ARL14EPL: variants seen among roughly 807,000 people sequenced by gnomAD.
ARL14EPL encodes ARF like GTPase 14 effector protein like.
Under a neutral mutation model 15.9 loss-of-function variants are expected in ARL14EPL, and 17 were observed. The ratio of observed to expected loss-of-function variants is 1.07; its 90% CI spans 0.73 to 1.60. The LOEUF is 1.60. Among genes scored for constraint, ARL14EPL ranks in the 40% most tolerant of loss-of-function variants. The probability of loss-of-function intolerance (pLI) is 0.00; values close to 1 mark genes in which losing one functional copy is unlikely to be tolerated. For synonymous variants in ARL14EPL, 78 were observed against 63.8 expected (o/e 1.22, Z -1.06); for missense variants, 214 against 185.9 (o/e 1.15, Z -0.88).
intron 1 of ARL14EPL, among the ~76,000 whole-genome samples, chr5:116,045,745 A>AGT (rs56960751): frequency 0.029 from 4,363 of 148,642 alleles, 78 homozygotes; most frequent in Admixed American, 0.063. Flanking sequence ...GACCCACAGA[A>AGT]GTGTGTGTGT....
chr5:116,054,780 G>T (rs1241933182), intron 3 of ARL14EPL, among the ~76,000 whole-genome samples: 1 of 151,892 alleles, frequency 6.6e-6, no homozygotes, highest in Non-Finnish European at 1.5e-5. Context: ...GCAGTGAGCC[G>T]AAACCATGCC....
In ARL14EPL at chr5:116,058,803, C is replaced by A; in HGVS notation, c.315C>A (p.Cys105Ter). 2 of 1,535,972 alleles carry A rather than the reference C, an allele frequency of 1.3e-6. No individual in the cohort carries two copies. Among genetic ancestry groups the A allele is most frequent in the Non-Finnish European group, 1.7e-6 (2 of 1,146,890 alleles). The change falls in exon 4 of 4, where the codon TGC becomes TGA. Residue 105 changes from cysteine to a stop codon, truncating the protein, a stop_gained. Coordinates refer to ENST00000686077, the MANE Select transcript of ARL14EPL (RefSeq NM_001195581.2). LOFTEE classifies it high-confidence loss of function. ...TGTGTGATTGTCTAGAGAAGAACTG[C>A]CTGGGCTGCTTCTACCCATGCCCGA... Reference protein sequence around the residue: ...ADLCDCLEKNCLGCFYPCPKC... With the variant: ...ADLCDCLEKN
chr5:116,035,375 G>T (rs913248767), intron 1 of ARL14EPL, among the ~76,000 whole-genome samples: 1 of 152,206 alleles, frequency 6.6e-6, no homozygotes, highest in African/African-American at 2.4e-5. Flanking sequence ...CTGGGAGTCA[G>T]CACTGTATTC....
At chr5:116,040,844 G>A (rs1456174441) in intron 1 of ARL14EPL, among the ~76,000 whole-genome samples, 5 of 149,432 alleles carry the variant, frequency 3.3e-5, no homozygotes, top group African/African-American at 4.9e-5. Context: ...AGTCGGGCGT[G>A]GTGGCGGGCG....
chr5:116,053,583 G>A (rs999222452), intron 2 of ARL14EPL, among the ~76,000 whole-genome samples: 1 of 152,018 alleles, frequency 6.6e-6, no homozygotes, highest in Non-Finnish European at 1.5e-5. Context: ...GGGGAGTGCC[G>A]GATCTACTTT....
rs367803351 is a variant in ARL14EPL at position 116,038,483 on chromosome 5, C to T, written c.-10+5978C>T. 6.8e-4 allele frequency among the ~76,000 whole-genome samples: 104 copies of T among 152,164 alleles called. 2 individuals carry two copies. The South Asian group carries it at 0.019, about 28-fold the overall frequency. The stretch of plus-strand genomic sequence containing the variant: ...TTAGTGTCAGGCTAATGGAAGGATG[C>T]GGTGACAACGAGGCTGGGAAGGTAG... On this transcript the variant is annotated intron_variant, in intron 1 of 3. Transcript: ENST00000686077.
intron 3 of ARL14EPL, among the ~76,000 whole-genome samples, chr5:116,056,421 G>A (rs143760767): frequency 0.011 from 1,683 of 152,274 alleles, 33 homozygotes; most frequent in African/African-American, 0.038. Context: ...TTTTTCATGT[G>A]TCTATTGGCT....
chr5:116,036,033 G>T (rs1325116428), intron 1 of ARL14EPL, among the ~76,000 whole-genome samples: 1 of 152,208 alleles, frequency 6.6e-6, no homozygotes. Flanking sequence ...CCAAAATGTG[G>T]TTTACATAGT....
chr5:116,035,817 C>A (rs953684220), intron 1 of ARL14EPL, among the ~76,000 whole-genome samples: 1 of 152,200 alleles, frequency 6.6e-6, no homozygotes, highest in East Asian at 1.9e-4. Context: ...CCGCTGGTAT[C>A]TCTGTGGGGA....
intron 3 of ARL14EPL, among the ~76,000 whole-genome samples, chr5:116,057,009 C>T (rs975842598): frequency 2.6e-5 from 4 of 152,148 alleles, no homozygotes; most frequent in Non-Finnish European, 5.9e-5. Context: ...TGATGAACAT[C>T]AATGCAAATA....
chr5:116,058,000 AG>A (rs1749560137), intron 3 of ARL14EPL, among the ~76,000 whole-genome samples: 2 of 152,210 alleles, frequency 1.3e-5, no homozygotes, highest in African/African-American at 4.8e-5. Flanking sequence ...TTCCTGTGAA[AG>A]TCCTTTGTCC....
At chr5:116,037,050 C>T (rs1749061116) in intron 1 of ARL14EPL, among the ~76,000 whole-genome samples, 1 of 151,998 alleles carries the variant, frequency 6.6e-6, no homozygotes, top group African/African-American at 2.4e-5. Context: ...CTCTAGGGAC[C>T]TCTTGGAAGT....
chr5:116,056,188 G>C (rs370332294), intron 3 of ARL14EPL, among the ~76,000 whole-genome samples: 2 of 151,932 alleles, frequency 1.3e-5, no homozygotes, highest in African/African-American at 4.8e-5. Flanking sequence ...GGGTCAAATG[G>C]TATTTCTAGT....
intron 1 of ARL14EPL, among the ~76,000 whole-genome samples, chr5:116,034,126 T>C (rs111743227): frequency 3.9e-4 from 59 of 152,252 alleles, no homozygotes; most frequent in African/African-American, 1.3e-3. Flanking sequence ...ATGGGGTTTG[T>C]GAGAGTTTTG....
intron 3 of ARL14EPL, among the ~76,000 whole-genome samples, chr5:116,055,726 C>A (rs532621206): frequency 6.6e-6 from 1 of 151,892 alleles, no homozygotes; most frequent in Admixed American, 6.6e-5. Context: ...TATACATGTG[C>A]CATGTTGGTG....
intron 3 of ARL14EPL, among the ~76,000 whole-genome samples, chr5:116,057,792 G>T (rs1427158783): frequency 6.6e-6 from 1 of 152,180 alleles, no homozygotes; most frequent in Non-Finnish European, 1.5e-5. Context: ...AGGAGGCATT[G>T]TGCCTGCTTA....
intron 1 of ARL14EPL, among the ~76,000 whole-genome samples, chr5:116,033,248 G>A (rs750299177): frequency 6.6e-6 from 1 of 152,164 alleles, no homozygotes; most frequent in Non-Finnish European, 1.5e-5. Flanking sequence ...TGGTGCAAAA[G>A]TGATACAAAT....
chr5:116,045,758 GTGTGTGTGTGTGTGTGTGTGTGTA>G (rs1466659937), intron 1 of ARL14EPL, among the ~76,000 whole-genome samples: 2 of 95,286 alleles, frequency 2.1e-5, no homozygotes, highest in Non-Finnish European at 5.8e-5. Flanking sequence ...GTGTGTGTGT[GTGTGTGTGTGTGTGTGTGTGTGTA>G]TGTGTACGAA....
intron 1 of ARL14EPL, among the ~76,000 whole-genome samples, chr5:116,042,739 C>A (rs187107103): frequency 6.6e-6 from 1 of 152,248 alleles, no homozygotes; most frequent in Non-Finnish European, 1.5e-5. Flanking sequence ...CTTATAACTT[C>A]CAAAGCCAGC....
Sources: gnomAD v4.1 joint callset for allele counts (sites outside exome capture counted in the v4.1 genomes callset) on GRCh38, gnomAD v4.1.1 for gene constraint, MANE v1.5 for transcripts, NCBI Gene and HGNC (gene_info 2026-07-23, HGNC 2026-07-21) for gene names.